The following DNAH14 variants were observed in gnomAD, a reference collection of about 807,000 sequenced individuals.
DNAH14 encodes dynein axonemal heavy chain 14.
A neutral mutation model predicts 520.9 loss-of-function variants in DNAH14; 478 were observed. The observed-to-expected ratio is 0.92, with a 90% CI of 0.85 to 0.99. The LOEUF is 0.99. Among genes scored for constraint, DNAH14 ranks in the 50% least tolerant of loss-of-function variants. The pLI is 0.00. For synonymous variants in DNAH14, 1,581 were observed against 1,757.2 expected (o/e 0.90, Z 2.51); for missense variants, 4,831 against 5,234.5 (o/e 0.92, Z 2.38).
chr1:225,336,008 T>TATGTATATAC (rs1490847628), intron 66 of DNAH14, among the ~76,000 whole-genome samples: 9 of 95,738 alleles, frequency 9.4e-5, no homozygotes, highest in Non-Finnish European at 1.9e-4. Context: ...CATATATGTA[T>TATGTATATAC]ACGCATATAT....
chr1:225,250,299 A>G (rs1211584421), intron 43 of DNAH14, among the ~76,000 whole-genome samples: 1 of 152,208 alleles, frequency 6.6e-6, no homozygotes, highest in East Asian at 1.9e-4. Context: ...TATGAAATGT[A>G]TCTCACTGTG....
intron 8 of DNAH14, 151 bp from the exon 9 acceptor site, chr1:225,002,632 C>T (rs1398475022): frequency 1.3e-6 from 1 of 777,738 alleles, no homozygotes; most frequent in African/African-American, 1.8e-5. Context: ...AAACACAACC[C>T]CTAATGCTTA....
At chr1:225,076,778 AG>A (rs2072330653) in intron 17 of DNAH14, among the ~76,000 whole-genome samples, 1 of 151,872 alleles carries the variant, frequency 6.6e-6, no homozygotes, top group African/African-American at 2.4e-5. Context: ...TCCCTTTGTA[AG>A]GTTAAATAAA....
chr1:225,205,261 A>G (rs1182117289), intron 39 of DNAH14, among the ~76,000 whole-genome samples: 2 of 152,150 alleles, frequency 1.3e-5, no homozygotes, highest in Non-Finnish European at 2.9e-5. Flanking sequence ...TGATTAGGTC[A>G]TGAGGGTAGA....
Position 225,265,206 on chromosome 1 carries a change from T to A in DNAH14, c.7247T>A (p.Val2416Asp), listed in dbSNP as rs1378672846. The A allele has an allele frequency of 6.7e-7, 1 of 1,500,384 alleles. No homozygotes were observed. The highest frequency in any genetic ancestry group is 8.8e-7 in the Non-Finnish European group (1 of 1,130,540). 92.9% of individuals were successfully genotyped at this position (1,500,384 alleles called of 1,614,324 possible). A position where few individuals can be genotyped will look rare whatever the true frequency, so the allele number is the denominator to read the frequency against. Reference sequence around the variant, plus strand: ...GATAATCCCACTAAAAAGCCAGAAGTTAGAACTAATAAAAAGTTACTTAAA... The same window carrying A: ...GATAATCCCACTAAAAAGCCAGAAGATAGAACTAATAAAAAGTTACTTAAA... ...SSDNPTKKPE[V>D]RTNKKLLKNN... Residue 2416 changes from valine to aspartate, a missense_variant, in exon 48 of 86, where the codon GTT becomes GAT. Val to Asp is a radical substitution (Grantham distance 152). Coordinates refer to ENST00000682510, the MANE Select transcript of DNAH14 (RefSeq NM_001367479.1).
At chr1:225,013,431 G>C (rs2064964900) in intron 10 of DNAH14, among the ~76,000 whole-genome samples, 1 of 152,158 alleles carries the variant, frequency 6.6e-6, no homozygotes, top group Admixed American at 6.5e-5. Flanking sequence ...TCCCAGTCAG[G>C]AGGCACGGGG....
rs2091913779 is a variant in DNAH14 at position 225,240,670 on chromosome 1, T to C, written c.6596T>C (p.Phe2199Ser). ...KIIQKLFVFAFTWAFGGALNR... is the reference protein window; with the variant it reads ...KIIQKLFVFASTWAFGGALNR... ...ATTCAAAAGCTTTTTGTGTTTGCCT[T>C]TACTTGGGCATTTGGAGGAGCTTTA... Residue 2199 changes from phenylalanine (F) to serine (S), a missense_variant, in exon 43 of 86, where the codon TTT (phenylalanine) becomes TCT (serine). Phe to Ser is a radical substitution (Grantham distance 155, BLOSUM62 -2). Transcript: ENST00000682510. The C allele has an allele frequency of 6.4e-7, 1 of 1,550,882 alleles. No homozygotes were observed. The highest frequency in any genetic ancestry group is 8.7e-7 in the Non-Finnish European group (1 of 1,146,572).
chr1:225,018,368 A>T (rs2065382305), intron 10 of DNAH14, among the ~76,000 whole-genome samples: 1 of 152,208 alleles, frequency 6.6e-6, no homozygotes, highest in Non-Finnish European at 1.5e-5. Flanking sequence ...AATGAACACA[A>T]CAGTTGAGAA....
intron 38 of DNAH14, among the ~76,000 whole-genome samples, chr1:225,198,539 G>A (rs1256126575): frequency 2.0e-5 from 3 of 152,110 alleles, no homozygotes; most frequent in African/African-American, 4.8e-5. Flanking sequence ...ATTTTGCTGA[G>A]ACTTTTAATC....
intron 11 of DNAH14, among the ~76,000 whole-genome samples, chr1:225,034,257 T>A (rs2066764293): frequency 6.6e-6 from 1 of 152,102 alleles, no homozygotes; most frequent in South Asian, 2.1e-4. Context: ...TTATTGAGAG[T>A]TTTTAACATG....
chr1:225,207,272 C>T (rs2087704881), intron 41 of DNAH14, 52 bp downstream of exon 41: 2 of 1,407,442 alleles, frequency 1.4e-6, no homozygotes, highest in Non-Finnish European at 1.9e-6. Context: ...CTAGTCAATG[C>T]TAATTCATCA....
chr1:225,252,648 A>G (rs2092599005), intron 44 of DNAH14, among the ~76,000 whole-genome samples: 1 of 152,170 alleles, frequency 6.6e-6, no homozygotes, highest in African/African-American at 2.4e-5. Context: ...ATTGAATTAA[A>G]TGCACATTGT....
At chr1:224,949,322 G>A (rs902916794) in intron 1 of DNAH14, among the ~76,000 whole-genome samples, 8 of 152,008 alleles carry the variant, frequency 5.3e-5, no homozygotes, top group East Asian at 3.9e-4. Context: ...GTGTGTGTGC[G>A]TGTGTGTGCA....
At chr1:225,185,571 G>T in intron 37 of DNAH14, 146 bp downstream of exon 37, 2 of 828,586 alleles carry the variant, frequency 2.4e-6, no homozygotes, top group Non-Finnish European at 3.4e-6. Context: ...ATAATGAGTG[G>T]GATTTTTAAC....
chr1:225,127,535 G>A (rs895145022), intron 27 of DNAH14, among the ~76,000 whole-genome samples: 17 of 143,720 alleles, frequency 1.2e-4, no homozygotes, highest in Non-Finnish European at 2.4e-4. Context: ...TGCAACCCCT[G>A]CCTTTTTTTC....
chr1:225,072,451 T>C (rs754257381), intron 17 of DNAH14, among the ~76,000 whole-genome samples: 5 of 152,316 alleles, frequency 3.3e-5, no homozygotes, highest in Admixed American at 2.0e-4. Flanking sequence ...TTTAAGATGA[T>C]TTTTAGCTTC....
chr1:225,062,064 CGAGGCGGATGGA>C (rs532049863), intron 17 of DNAH14, among the ~76,000 whole-genome samples: 1,671 of 61,858 alleles, frequency 0.027, 17 homozygotes, highest in Non-Finnish European at 0.075. Flanking sequence ...TTTGGGAGGC[CGAGGCGGATGGA>C]ATGCTTGAGC....
At chr1:225,301,056 C>A in intron 56 of DNAH14, 26 bp downstream of exon 56, 2 of 1,536,790 alleles carry the variant, frequency 1.3e-6, no homozygotes, top group South Asian at 2.5e-5. Context: ...TTGGCTTTAT[C>A]AAATTGTCAT....
chr1:225,325,875 G>A (rs930360802), intron 64 of DNAH14, among the ~76,000 whole-genome samples: 1 of 152,116 alleles, frequency 6.6e-6, no homozygotes, highest in African/African-American at 2.4e-5. Flanking sequence ...CCACTTGGCT[G>A]TAGGCAGCCC....
Sources: allele counts gnomAD v4.1 joint callset (sites outside exome capture counted in the v4.1 genomes callset), GRCh38; gene constraint gnomAD v4.1.1; transcripts MANE v1.5; gene names NCBI Gene and HGNC (gene_info 2026-07-23, HGNC 2026-07-21).